CFDP1: variants seen among roughly 807,000 people sequenced by gnomAD.
CFDP1 encodes the protein heterochromatin-stabilizing protein CFDP1.
A neutral mutation model predicts 40.1 loss-of-function variants in CFDP1; 31 were observed. That is an observed-to-expected ratio of 0.77 (90% confidence interval 0.58 to 1.04). The LOEUF (loss-of-function observed/expected upper bound fraction) is 1.04. Among genes scored for constraint, CFDP1 ranks in the 50% least tolerant of loss-of-function variants. The probability of loss-of-function intolerance (pLI) is 0.00; values close to 1 mark genes in which losing one functional copy is unlikely to be tolerated. For synonymous variants in CFDP1, 167 were observed against 120.0 expected (o/e 1.39, Z -2.56); for missense variants, 423 against 343.4 (o/e 1.23, Z -1.83).
chr16:75,392,569 C>CTCA (rs2078961298), intron 5 of CFDP1, among the ~76,000 whole-genome samples: 1 of 152,188 alleles, frequency 6.6e-6, no homozygotes, highest in African/African-American at 2.4e-5. Flanking sequence ...GCAATCTCAG[C>CTCA]TCACTTCGAC....
Position 75,412,563 on chromosome 16 carries a change from GA to G in CFDP1, c.373del (p.Ser125GlnfsTer25). The G allele has an allele frequency of 6.2e-7, 1 of 1,614,078 alleles. No homozygotes were observed. The highest frequency in any genetic ancestry group is 8.5e-7 in the Non-Finnish European group (1 of 1,179,970). On this transcript the variant is annotated frameshift_variant, in exon 3 of 7. Transcript: ENST00000283882. LOFTEE classifies it high-confidence loss of function. ...AACTTGTGTACTTGGGGGCACTTTT[GA>G]TTTTGGTCCCACATCATTGAGGAAG... ...ASFLNDVGPK[S>X]KVPPSTQVKK...
intron 5 of CFDP1, among the ~76,000 whole-genome samples, chr16:75,316,681 T>TA (rs1376416799): frequency 7.0e-6 from 1 of 143,842 alleles, no homozygotes; most frequent in African/African-American, 2.6e-5. Flanking sequence ...CTTTAAAAAG[T>TA]AAAAGAGGCC....
At chr16:75,396,389 A>T (rs2078995077) in intron 4 of CFDP1, among the ~76,000 whole-genome samples, 1 of 102,974 alleles carries the variant, frequency 9.7e-6, no homozygotes, top group Non-Finnish European at 2.3e-5. Context: ...AATACAAAAA[A>T]TTAGCCAGGC....
chr16:75,320,168 T>G (rs182275577), intron 5 of CFDP1, among the ~76,000 whole-genome samples: 297 of 152,288 alleles, frequency 2.0e-3, no homozygotes, highest in African/African-American at 6.5e-3. Context: ...CATTCAGAAA[T>G]GTAGTTTGTC....
intron 5 of CFDP1, among the ~76,000 whole-genome samples, chr16:75,329,660 T>C (rs1277600937): frequency 1.3e-5 from 2 of 152,236 alleles, no homozygotes. Context: ...GCTACTGTTG[T>C]CACTTAACAT....
intron 4 of CFDP1, among the ~76,000 whole-genome samples, chr16:75,400,679 T>C (rs1210391112): frequency 1.3e-5 from 2 of 152,236 alleles, no homozygotes; most frequent in South Asian, 2.1e-4. Flanking sequence ...AGAGGAATTA[T>C]ATGAAAATCT....
chr16:75,373,692 T>A (rs2078770702), intron 5 of CFDP1, among the ~76,000 whole-genome samples: 1 of 152,178 alleles, frequency 6.6e-6, no homozygotes, highest in Non-Finnish European at 1.5e-5. Context: ...GGGGTCTCCC[T>A]ATGTTGCCCT....
intron 4 of CFDP1, among the ~76,000 whole-genome samples, chr16:75,401,616 G>C (rs573648469): frequency 1.3e-5 from 2 of 152,058 alleles, no homozygotes; most frequent in Admixed American, 1.3e-4. Context: ...ATAAAAAAAA[G>C]ATTCACATCA....
intron 6 of CFDP1, among the ~76,000 whole-genome samples, chr16:75,299,404 G>A (rs576720482): frequency 1.3e-5 from 2 of 149,330 alleles, no homozygotes; most frequent in South Asian, 2.1e-4. Flanking sequence ...TGGTTAACAC[G>A]GTGAAACCCC....
chr16:75,380,897 A>G (rs1421804365), intron 5 of CFDP1, among the ~76,000 whole-genome samples: 1 of 152,214 alleles, frequency 6.6e-6, no homozygotes, highest in Admixed American at 6.5e-5. Context: ...GGAAATACTG[A>G]CAGTGAACTG....
At chr16:75,310,402 T>TGA (rs1567641282) in intron 5 of CFDP1, among the ~76,000 whole-genome samples, 2 of 152,134 alleles carry the variant, frequency 1.3e-5, no homozygotes, top group Admixed American at 1.3e-4. Context: ...ACCAAGACCT[T>TGA]GATTAAGAAA....
chr16:75,411,831 TC>T lies in CFDP1; in HGVS notation c.523del (p.Glu175LysfsTer2). On this transcript the variant is annotated frameshift_variant, in exon 4 of 7. Transcript: ENST00000283882. LOFTEE classifies it high-confidence loss of function. Reference sequence around the variant, plus strand: ...TTTTTGAAGGTTCTCTTACCTTACTTCTTCACCAGCAAAATCAAACACCTTG... The same window carrying T: ...TTTTTGAAGGTTCTCTTACCTTACTTTTCACCAGCAAAATCAAACACCTTG... ...ITKVFDFAGE[E>X]VRVTKEVDAT... The T allele has an allele frequency of 6.2e-7, 1 of 1,609,226 alleles. No individual in the cohort carries two copies. The highest frequency in any genetic ancestry group is 8.5e-7 in the Non-Finnish European group (1 of 1,179,060).
chr16:75,345,852 G>A (rs2078559462), intron 5 of CFDP1, among the ~76,000 whole-genome samples: 1 of 152,212 alleles, frequency 6.6e-6, no homozygotes, highest in Admixed American at 6.5e-5. Context: ...CAAGGCACAT[G>A]ACAGTGGGTC....
chr16:75,428,199 A>G (rs943956220), intron 1 of CFDP1, among the ~76,000 whole-genome samples: 1 of 151,948 alleles, frequency 6.6e-6, no homozygotes, highest in Non-Finnish European at 1.5e-5. Context: ...ACACAACGCT[A>G]GGCATTTAAC....
At position 75,432,328 on chromosome 16, in the gene CFDP1, G is replaced by A. The variant is rs187326210; in HGVS notation, c.64+961C>T. ...AGGTGGGAGGATCACTTGAGCCCAC[G>A]AGTTCGAGACCAGCCTGGGCAACAT... is the stretch of plus-strand genomic sequence containing the variant. On this transcript the variant is annotated intron_variant, in intron 1 of 6. Transcript: ENST00000283882. Among the ~76,000 whole-genome samples the A allele has an allele frequency of 2.2e-3, 307 of 139,582 alleles. 7 individuals are homozygous for A. The highest frequency in any genetic ancestry group is 0.021 in the Admixed American group (266 of 12,878). The allele number at this position is 139,582 out of a possible 152,430, so 91.6% of individuals were successfully genotyped here. A position where few individuals can be genotyped will look rare whatever the true frequency, so the allele number is the denominator to read the frequency against.
chr16:75,348,114 G>A (rs1009509345), intron 5 of CFDP1, among the ~76,000 whole-genome samples: 10 of 152,264 alleles, frequency 6.6e-5, no homozygotes, highest in African/African-American at 1.2e-4. Context: ...CTGTACCAAT[G>A]TTAATTTCTT....
intron 5 of CFDP1, among the ~76,000 whole-genome samples, chr16:75,349,272 G>A (rs1457589657): frequency 6.6e-6 from 1 of 151,868 alleles, no homozygotes; most frequent in Non-Finnish European, 1.5e-5. Context: ...AGGCACTGTG[G>A]GAGGCCAAGG....
At chr16:75,427,925 T>G (rs143031227) in intron 1 of CFDP1, among the ~76,000 whole-genome samples, 1 of 152,252 alleles carries the variant, frequency 6.6e-6, no homozygotes, top group South Asian at 2.1e-4. Context: ...ATTACTGACA[T>G]GTGCAACAAC....
At chr16:75,303,737 T>C (rs1434618819) in intron 6 of CFDP1, among the ~76,000 whole-genome samples, 1 of 152,318 alleles carries the variant, frequency 6.6e-6, no homozygotes, top group Non-Finnish European at 1.5e-5. Context: ...GCTTTATGTA[T>C]ATTACATATA....
Sources: allele counts gnomAD v4.1 joint callset (sites outside exome capture counted in the v4.1 genomes callset), GRCh38; gene constraint gnomAD v4.1.1; transcripts MANE v1.5; gene names NCBI Gene and HGNC (gene_info 2026-07-23, HGNC 2026-07-21).